The following OPN5 variants were observed in gnomAD, a reference collection of about 807,000 sequenced individuals.
The protein encoded by OPN5 is opsin-5.
Under a neutral mutation model 41.7 loss-of-function variants are expected in OPN5, and 18 were observed. The observed-to-expected ratio is 0.43, with a 90% CI of 0.30 to 0.64. The LOEUF (loss-of-function observed/expected upper bound fraction) is 0.64, where lower values mean the gene tolerates loss of function less well. OPN5 is among the 30% of genes least tolerant of loss of function. The pLI is 0.13. For synonymous variants in OPN5, 178 were observed against 164.3 expected (o/e 1.08, Z -0.64); for missense variants, 318 against 434.5 (o/e 0.73, Z 2.38).
At chr6:47,808,976 C>G (rs1350370122) in intron 5 of OPN5, among the ~76,000 whole-genome samples, 1 of 152,154 alleles carries the variant, frequency 6.6e-6, no homozygotes, top group African/African-American at 2.4e-5. Context: ...GTTTAAACAG[C>G]CAGAAAGTAG....
chr6:47,798,585 ATAT>A (rs1217105843), intron 4 of OPN5, among the ~76,000 whole-genome samples: 1 of 150,810 alleles, frequency 6.6e-6, no homozygotes, highest in African/African-American at 2.4e-5. Context: ...ATAATATGTA[ATAT>A]TATATTAATA....
chr6:47,824,047 T>A, exon 7 of OPN5: 4 of 1,400,550 alleles, frequency 2.9e-6, no homozygotes, highest in Non-Finnish European at 4.0e-6. Flanking sequence ...GTCTGGCATA[T>A]GCAGAGAAAT....
At chr6:47,816,266 T>C (rs1379616897) in intron 6 of OPN5, among the ~76,000 whole-genome samples, 1 of 152,192 alleles carries the variant, frequency 6.6e-6, no homozygotes, top group African/African-American at 2.4e-5. Context: ...TTGACCTTTC[T>C]GTATATTGTA....
chr6:47,825,377 G>A (rs1456143100), downstream of OPN5: 3 of 152,168 alleles, frequency 2.0e-5, no homozygotes, highest in Non-Finnish European at 2.9e-5. Context: ...AAGCCAAAAA[G>A]TGATAGTTGA....
At chr6:47,813,681 C>A (rs1254590644) in intron 6 of OPN5, among the ~76,000 whole-genome samples, 7 of 152,048 alleles carry the variant, frequency 4.6e-5, no homozygotes, top group African/African-American at 1.7e-4. Flanking sequence ...TAGAGGTTGG[C>A]AGACCAGTTA....
intron 6 of OPN5, among the ~76,000 whole-genome samples, chr6:47,813,990 C>T (rs111299508): frequency 7.9e-5 from 12 of 151,568 alleles, no homozygotes; most frequent in African/African-American, 2.7e-4. Context: ...TATTCAAAAC[C>T]GGTAGTTAAA....
At chr6:47,782,149 T>C in exon 1 of OPN5, 2 of 1,613,606 alleles carry the variant, frequency 1.2e-6, no homozygotes, top group Non-Finnish European at 1.7e-6. Context: ...GCTTCCAAAC[T>C]TTCTTGGGAA....
At chr6:47,803,235 A>C (rs1272685277) in intron 4 of OPN5, among the ~76,000 whole-genome samples, 1 of 152,208 alleles carries the variant, frequency 6.6e-6, no homozygotes, top group East Asian at 1.9e-4. Flanking sequence ...GTGTATGTGA[A>C]GGAACCAAAG....
intron 5 of OPN5, among the ~76,000 whole-genome samples, chr6:47,808,632 A>G (rs1198280660): frequency 1.3e-5 from 2 of 152,232 alleles, no homozygotes; most frequent in Non-Finnish European, 2.9e-5. Context: ...GGAGCAACTA[A>G]GATACAGAGA....
chr6:47,794,726 C>T (rs936673768), intron 3 of OPN5: 2 of 154,778 alleles, frequency 1.3e-5, no homozygotes, highest in African/African-American at 4.8e-5. Flanking sequence ...GGACTTTAAT[C>T]TCAAACCATA....
intron 6 of OPN5, among the ~76,000 whole-genome samples, chr6:47,814,854 G>T (rs1291177195): frequency 6.6e-6 from 1 of 152,118 alleles, no homozygotes; most frequent in Non-Finnish European, 1.5e-5. Context: ...TCTCCTTTGG[G>T]TTCTCATAAC....
chr6:47,808,029 A>G (rs1269911529), intron 4 of OPN5, 125 bp from the exon 5 acceptor site: 1 of 879,040 alleles, frequency 1.1e-6, no homozygotes, highest in Non-Finnish European at 1.8e-6. Flanking sequence ...TACAAAGTAA[A>G]TGAAAACAAT....
chr6:47,794,983 G>A (rs1231404194), intron 3 of OPN5: 8 of 437,504 alleles, frequency 1.8e-5, no homozygotes, highest in Non-Finnish European at 3.3e-5. Flanking sequence ...CCCAGCTGTT[G>A]TCACTTCTCC....
intron 1 of OPN5, among the ~76,000 whole-genome samples, chr6:47,785,389 A>C (rs962809930): frequency 1.3e-5 from 2 of 152,216 alleles, no homozygotes; most frequent in Non-Finnish European, 2.9e-5. Context: ...CCAGGGAGTC[A>C]GAATTTCCTA....
At chr6:47,813,134 G>T (rs1477061492) in intron 6 of OPN5, among the ~76,000 whole-genome samples, 1 of 152,040 alleles carries the variant, frequency 6.6e-6, no homozygotes, top group East Asian at 1.9e-4. Context: ...TCTGCTTGGG[G>T]CTTATGCCTG....
intron 4 of OPN5, among the ~76,000 whole-genome samples, chr6:47,797,467 A>G (rs898074315): frequency 6.6e-6 from 1 of 152,210 alleles, no homozygotes; most frequent in Non-Finnish European, 1.5e-5. Flanking sequence ...AAAGAAATTT[A>G]AATAAATCAA....
chr6:47,813,815 T>C (rs372751136), intron 6 of OPN5, among the ~76,000 whole-genome samples: 1 of 152,110 alleles, frequency 6.6e-6, no homozygotes, highest in Non-Finnish European at 1.5e-5. Flanking sequence ...ATTGATTACA[T>C]GGATGAAGAA....
At chr6:47,814,451 G>A (rs1427102849) in intron 6 of OPN5, among the ~76,000 whole-genome samples, 1 of 152,138 alleles carries the variant, frequency 6.6e-6, no homozygotes, top group African/African-American at 2.4e-5. Flanking sequence ...AGTTTAAATT[G>A]TCGGAGCTTT....
chr6:47,801,671 C>A (rs1181306790), intron 4 of OPN5, among the ~76,000 whole-genome samples: 1 of 152,220 alleles, frequency 6.6e-6, no homozygotes, highest in Non-Finnish European at 1.5e-5. Flanking sequence ...TGTTTCATTG[C>A]AGCCTTTACG....
Sources: gnomAD v4.1 joint callset for allele counts (sites outside exome capture counted in the v4.1 genomes callset) on GRCh38, gnomAD v4.1.1 for gene constraint, MANE v1.5 for transcripts, NCBI Gene and HGNC (gene_info 2026-07-23, HGNC 2026-07-21) for gene names.